ERN1: variants seen among roughly 807,000 people sequenced by gnomAD.
ERN1 encodes the protein serine/threonine-protein kinase/endoribonuclease IRE1.
Under a neutral mutation model 113.1 loss-of-function variants are expected in ERN1, and 39 were observed. The observed-to-expected ratio is 0.34, with a 90% CI of 0.27 to 0.45. The LOEUF is 0.45. ERN1 is among the 20% of genes least tolerant of loss of function. The pLI is 1.00. For missense variants in ERN1, 976 were observed against 1,274.8 expected (o/e 0.77, Z 3.57); for synonymous variants, 507 against 515.9 (o/e 0.98, Z 0.23).
chr17:64,106,343 C>T (rs933401805), intron 1 of ERN1, among the ~76,000 whole-genome samples: 1 of 152,198 alleles, frequency 6.6e-6, no homozygotes, highest in East Asian at 1.9e-4. Flanking sequence ...ATTAAAAGTG[C>T]ATGTTGCTAA....
chr17:64,076,861 A>C (rs1325300490), intron 4 of ERN1, among the ~76,000 whole-genome samples: 1 of 152,046 alleles, frequency 6.6e-6, no homozygotes, highest in Non-Finnish European at 1.5e-5. Flanking sequence ...CGGCCTCCCA[A>C]AGTGCTGGGA....
intron 1 of ERN1, chr17:64,129,508 T>G: frequency 1.0e-5 from 3 of 299,738 alleles, no homozygotes; most frequent in Non-Finnish European, 6.1e-6. Context: ...CAAACAAGGA[T>G]TCGAAGCGCA....
At chr17:64,051,000 G>A (rs1912665635) in intron 17 of ERN1, among the ~76,000 whole-genome samples, 1 of 152,102 alleles carries the variant, frequency 6.6e-6, no homozygotes, top group Non-Finnish European at 1.5e-5. Flanking sequence ...TCAAGTGTGA[G>A]TGCGCTCCCA....
At position 64,057,970 on chromosome 17, in the gene ERN1, A is replaced by T. The variant is rs753007236; in HGVS notation, c.1230T>A (p.Thr410=). The T allele has an allele frequency of 3.2e-6, 5 of 1,584,446 alleles. No homozygotes were observed. In the South Asian group the frequency reaches 5.8e-5, roughly 18 times the overall value. The change falls in exon 12 of 22, where the codon ACT becomes ACA. Residue 410 remains threonine (T), a synonymous_variant. Coordinates refer to ENST00000433197, the MANE Select transcript of ERN1 (RefSeq NM_001433.5). ...ACACGGTGGTAGGTGCGTTTTCTGA[A>T]GTCTGGTCAACCAGGTTGATAACCT... ...FEEVINLVDQ[T]SENAPTTVSR...
intron 2 of ERN1, among the ~76,000 whole-genome samples, chr17:64,088,430 T>C (rs1790327022): frequency 6.6e-6 from 1 of 152,160 alleles, no homozygotes; most frequent in Non-Finnish European, 1.5e-5. Context: ...TCTGGGTTGG[T>C]ATTCAAAATA....
intron 11 of ERN1, among the ~76,000 whole-genome samples, chr17:64,059,852 T>C (rs1912997367): frequency 5.2e-5 from 1 of 19,124 alleles, no homozygotes; most frequent in South Asian, 4.7e-3. Flanking sequence ...TCAACAATTT[T>C]TTTTTTTTTT....
At chr17:64,128,335 C>G (rs1477209354) in intron 1 of ERN1, among the ~76,000 whole-genome samples, 1 of 152,054 alleles carries the variant, frequency 6.6e-6, no homozygotes, top group South Asian at 2.1e-4. Flanking sequence ...AATATAGTTA[C>G]GCTAAACTAT....
At chr17:64,104,267 CA>C (rs1367723810) in intron 1 of ERN1, among the ~76,000 whole-genome samples, 1 of 151,990 alleles carries the variant, frequency 6.6e-6, no homozygotes, top group African/African-American at 2.4e-5. Flanking sequence ...AATAAACAAA[CA>C]AAAAACACAG....
chr17:64,081,204 C>T (rs561365454), intron 2 of ERN1, among the ~76,000 whole-genome samples: 2 of 152,140 alleles, frequency 1.3e-5, no homozygotes, highest in Non-Finnish European at 2.9e-5. Context: ...TTACCTTGTC[C>T]GATGCCTGGA....
In ERN1 at chr17:64,055,653, C is replaced by A. The variant is rs1912837200; in HGVS notation, c.1672+22G>T. 7 of 1,545,522 alleles carry A rather than the reference C, an allele frequency of 4.5e-6. No homozygotes were observed. In the East Asian group the frequency reaches 1.6e-4, roughly 35 times the overall value. ...TGCTCGAATAAAACATAAAATAGCA[C>A]CAAGATGGCAACTGGCTTTACCTCC... On this transcript the variant is annotated intron_variant, in intron 13 of 21. Transcript: ENST00000433197.
rs138011190 is a variant in ERN1, at chr17:64,070,464, G to A, written c.478+1517C>T. On this transcript the variant is annotated intron_variant, in intron 6 of 21. Transcript: ENST00000433197. ...GCAATTTTTATATCTGGATGAAGCT[G>A]GGGCCACTGTAAGAATTTACTTAAT... is the stretch of plus-strand genomic sequence containing the variant. Among the ~76,000 whole-genome samples the A allele has an allele frequency of 7.2e-5, 11 of 152,302 alleles. No homozygotes were observed. In the East Asian group the frequency reaches 2.1e-3, roughly 29 times the overall value.
At position 64,053,083 on chromosome 17, in the gene ERN1, C is replaced by G. The variant is rs35707406; in HGVS notation, c.2054-104G>C. On this transcript the variant is annotated intron_variant, in intron 16 of 21. Coordinates refer to ENST00000433197, the MANE Select transcript of ERN1 (RefSeq NM_001433.5). Reference sequence around the variant, plus strand: ...CAGACTCCCAATATGCCTGCCGCCACCTCCAAATGTTCTGATTTTCAACTA... The same window carrying G: ...CAGACTCCCAATATGCCTGCCGCCAGCTCCAAATGTTCTGATTTTCAACTA... 287 of 1,008,696 alleles carry G rather than the reference C, an allele frequency of 2.8e-4. 4 individuals are homozygous for G. In the East Asian group the frequency reaches 7.5e-3, roughly 26 times the overall value. The allele number at this position is 1,008,696 out of a possible 1,614,324, so 62.5% of individuals were successfully genotyped here.
chr17:64,074,489 A>G (rs1281779404), intron 5 of ERN1, among the ~76,000 whole-genome samples: 1 of 152,176 alleles, frequency 6.6e-6, no homozygotes, highest in East Asian at 1.9e-4. Context: ...CAAAACCTTA[A>G]AAGTCTGGCC....
chr17:64,057,027 T>C (rs1912893626), intron 12 of ERN1, among the ~76,000 whole-genome samples: 1 of 152,226 alleles, frequency 6.6e-6, no homozygotes, highest in African/African-American at 2.4e-5. Flanking sequence ...TGGCCTGTTC[T>C]GCTACAGAAC....
chr17:64,066,699 T>C lies in ERN1; in HGVS notation c.814A>G (p.Lys272Glu). The C allele has an allele frequency of 6.2e-7, 1 of 1,613,972 alleles. No homozygotes were observed. The highest frequency in any genetic ancestry group is 1.1e-5 in the South Asian group (1 of 91,078). The change falls in exon 8 of 22, where the codon AAG (lysine) becomes GAG (glutamate). Residue 272 changes from lysine (K) to glutamate (E), a missense_variant. Transcript: ENST00000433197. Reference protein sequence around the residue: ...RITKWKYPFPKETEAKSKLTP... With the variant: ...RITKWKYPFPEETEAKSKLTP... ...AGCTTGCTCTTGGCCTCTGTCTCCTTGGGGAACGGGTACTTCCACTTTGTG... is the reference window on the plus strand; with the variant it reads ...AGCTTGCTCTTGGCCTCTGTCTCCTCGGGGAACGGGTACTTCCACTTTGTG...
intron 4 of ERN1, among the ~76,000 whole-genome samples, chr17:64,077,144 C>A (rs978012019): frequency 2.6e-5 from 4 of 152,190 alleles, no homozygotes; most frequent in Admixed American, 6.5e-5. Context: ...CAGCTCTATA[C>A]AAACTTGCCC....
chr17:64,068,356 C>A, intron 6 of ERN1, 65 bp from the exon 7 acceptor site: 1 of 1,151,690 alleles, frequency 8.7e-7, no homozygotes, highest in South Asian at 1.3e-5. Flanking sequence ...GAGGTGTGGT[C>A]CTTATCTAAT....
intron 4 of ERN1, among the ~76,000 whole-genome samples, chr17:64,077,496 T>C (rs1006741060): frequency 1.3e-5 from 2 of 151,514 alleles, no homozygotes; most frequent in Non-Finnish European, 2.9e-5. Context: ...TCGTTTTTCC[T>C]GTTTTTGGCT....
chr17:64,087,068 T>C (rs1266350197), intron 2 of ERN1, among the ~76,000 whole-genome samples: 2 of 152,176 alleles, frequency 1.3e-5, no homozygotes, highest in African/African-American at 4.8e-5. Flanking sequence ...TAGAGATTCC[T>C]ATGGAATTTT....
Sources: gnomAD v4.1 joint callset for allele counts (sites outside exome capture counted in the v4.1 genomes callset) on GRCh38, gnomAD v4.1.1 for gene constraint, MANE v1.5 for transcripts, NCBI Gene and HGNC (gene_info 2026-07-23, HGNC 2026-07-21) for gene names.